RAB21: variants seen among roughly 807,000 people sequenced by gnomAD.
RAB21 encodes ras-related protein Rab-21.
RAB21 carries 13 observed loss-of-function variants against 33.1 expected under a neutral mutation model. The observed-to-expected ratio is 0.39, with a 90% CI of 0.26 to 0.62. The LOEUF (loss-of-function observed/expected upper bound fraction) is 0.62. RAB21 is among the 20% of genes least tolerant of loss of function. The pLI is 0.48. For missense variants in RAB21, 234 were observed against 279.1 expected (o/e 0.84, Z 1.15); for synonymous variants, 91 against 103.7 (o/e 0.88, Z 0.74).
In RAB21 at chr12:71,787,697, A is replaced by G. The variant is rs1173552582; in HGVS notation, c.*2024A>G. ...CTTCTTTAATTATTGTCCTTGCTAAACTCAACACAGACTTTTCTGTTATGT... is the reference window on the plus strand; with the variant it reads ...CTTCTTTAATTATTGTCCTTGCTAAGCTCAACACAGACTTTTCTGTTATGT... On this transcript the variant is annotated 3_prime_UTR_variant, in exon 7 of 7. Transcript: ENST00000261263. 6.6e-6 allele frequency: 1 copy of G among 152,150 alleles called. No homozygotes were observed. The highest frequency in any genetic ancestry group is 1.9e-4 in the East Asian group (1 of 5,198). The allele number at this position is 152,150 out of a possible 1,614,324, so 9.4% of individuals were successfully genotyped here.
At chr12:71,762,366 C>T (rs1012279306) in intron 1 of RAB21, among the ~76,000 whole-genome samples, 1 of 152,052 alleles carries the variant, frequency 6.6e-6, no homozygotes, top group African/African-American at 2.4e-5. Flanking sequence ...AGTGCAGTGG[C>T]GCGATCTCGG....
intron 1 of RAB21, among the ~76,000 whole-genome samples, chr12:71,764,285 A>G (rs1279477135): frequency 2.0e-5 from 3 of 152,044 alleles, no homozygotes; most frequent in African/African-American, 7.3e-5. Context: ...GAAGTTTATA[A>G]TTACTTCTCC....
rs1009012604 is a variant in RAB21, at chr12:71,785,894, T to G, written c.*221T>G. On this transcript the variant is annotated 3_prime_UTR_variant, in exon 7 of 7. Transcript: ENST00000261263. The stretch of plus-strand genomic sequence containing the variant: ...TTCTACAAATGTTTTTTTTTGTTTT[T>G]TTTTTGTTTTTTTTTGTTTTTTTTT... The G allele has an allele frequency of 7.1e-6, 3 of 423,298 alleles. No homozygotes were observed. The highest frequency in any genetic ancestry group is 4.7e-5 in the African/African-American group (2 of 42,584). 26.2% of individuals were successfully genotyped at this position (423,298 alleles called of 1,614,324 possible). A position where few individuals can be genotyped will look rare whatever the true frequency, so the allele number is the denominator to read the frequency against.
In RAB21 at chr12:71,785,834, A is replaced by T. The variant is rs11178944; in HGVS notation, c.*161A>T. 1,270 of 688,992 alleles carry T rather than the reference A, an allele frequency of 1.8e-3. 22 individuals carry two copies. In the East Asian group the frequency reaches 0.036, roughly 19 times the overall value. The allele number at this position is 688,992 out of a possible 1,614,324, so 42.7% of individuals were successfully genotyped here. A position where few individuals can be genotyped will look rare whatever the true frequency, so the allele number is the denominator to read the frequency against. ...AACACTGCAGAGACCTTAAGTGCTA[A>T]ACTTAGTGGAGTTTGTGACCAGAGA... On this transcript the variant is annotated 3_prime_UTR_variant, in exon 7 of 7. Coordinates refer to ENST00000261263, the MANE Select transcript of RAB21 (RefSeq NM_014999.4).
chr12:71,777,197 A>C lies in RAB21; in HGVS notation c.391+3175A>C, dbSNP rs190621432. ...AGTTGTGTTGCTTTTTCATCCCAAC[A>C]CTCACAGTTGTTTTCCCCTCACCAT... On this transcript the variant is annotated intron_variant, in intron 4 of 6. Coordinates refer to ENST00000261263, the MANE Select transcript of RAB21 (RefSeq NM_014999.4). Among the ~76,000 whole-genome samples, 9 of 152,184 alleles carry C rather than the reference A, an allele frequency of 5.9e-5. No individual in the cohort carries two copies. The East Asian group carries it at 1.2e-3, about 20-fold the overall frequency.
chr12:71,764,104 A>G (rs1235614453), intron 1 of RAB21, among the ~76,000 whole-genome samples: 1 of 152,126 alleles, frequency 6.6e-6, no homozygotes. Context: ...TGAATTGGCT[A>G]TTGTTTAATG....
chr12:71,763,993 A>C (rs1048078010), intron 1 of RAB21, among the ~76,000 whole-genome samples: 1 of 152,186 alleles, frequency 6.6e-6, no homozygotes, highest in Non-Finnish European at 1.5e-5. Context: ...AAGGATAAAT[A>C]TCTACTTCAC....
At position 71,791,599 on chromosome 12, in the gene RAB21, A is replaced by G. The variant is rs1042441722; in HGVS notation, c.*5926A>G. The G allele has an allele frequency of 6.6e-6, 1 of 152,236 alleles. No homozygotes were observed. Among genetic ancestry groups the G allele is most frequent in the Non-Finnish European group, 1.5e-5 (1 of 68,052 alleles). The allele number at this position is 152,236 out of a possible 1,614,324, so 9.4% of individuals were successfully genotyped here. On this transcript the variant is annotated 3_prime_UTR_variant, in exon 7 of 7. Coordinates refer to ENST00000261263, the MANE Select transcript of RAB21 (RefSeq NM_014999.4). ...AACTCCCATAACAGGACATGATGCT[A>G]CCAAAAATTCAAACTTGTATTTGAT... is the stretch of plus-strand genomic sequence containing the variant.
chr12:71,772,515 G>T (rs543239603), intron 3 of RAB21, among the ~76,000 whole-genome samples: 2 of 152,240 alleles, frequency 1.3e-5, no homozygotes, highest in South Asian at 2.1e-4. Context: ...ATGTATGGGG[G>T]TAAAGAATAG....
At chr12:71,755,418 T>G in intron 1 of RAB21, 130 bp downstream of exon 1, 1 of 1,142,640 alleles carries the variant, frequency 8.8e-7, no homozygotes, top group Non-Finnish European at 1.2e-6. Context: ...GCCTTCGGTT[T>G]ACCTTTCCGA....
At chr12:71,783,475 C>T (rs867500926) in intron 6 of RAB21, among the ~76,000 whole-genome samples, 1 of 151,184 alleles carries the variant, frequency 6.6e-6, no homozygotes, top group African/African-American at 2.4e-5. Flanking sequence ...CACACACACA[C>T]ATTTTGGAAT....
At chr12:71,777,984 C>T (rs1056300625) in intron 4 of RAB21, among the ~76,000 whole-genome samples, 1 of 152,146 alleles carries the variant, frequency 6.6e-6, no homozygotes, top group African/African-American at 2.4e-5. Context: ...AATCTCAAGT[C>T]CTTTTTTATA....
chr12:71,765,986 G>T (rs539755372), intron 1 of RAB21, among the ~76,000 whole-genome samples: 1 of 151,882 alleles, frequency 6.6e-6, no homozygotes, highest in Non-Finnish European at 1.5e-5. Flanking sequence ...GATGATTTAC[G>T]AAACAGAATC....
intron 1 of RAB21, among the ~76,000 whole-genome samples, chr12:71,762,306 T>C (rs1882884272): frequency 6.6e-6 from 1 of 152,186 alleles, no homozygotes; most frequent in Non-Finnish European, 1.5e-5. Context: ...TGTTTTGTTT[T>C]GTTTTGTTTT....
Position 71,793,293 on chromosome 12 carries a change from G to A in RAB21, c.*7620G>A, listed in dbSNP as rs2137666544. The A allele has an allele frequency of 6.6e-6, 1 of 152,276 alleles. No individual in the cohort carries two copies. The highest frequency in any genetic ancestry group is 1.9e-4 in the East Asian group (1 of 5,184). The allele number at this position is 152,276 out of a possible 1,614,324, so 9.4% of individuals were successfully genotyped here. ...GAACACAATCCATTCCTGAGTCATA[G>A]TAGGATAGTTTGTGTAATTCTAAAT... On this transcript the variant is annotated 3_prime_UTR_variant, in exon 7 of 7. Transcript: ENST00000261263.
At chr12:71,756,410 A>C (rs944973719) in intron 1 of RAB21, among the ~76,000 whole-genome samples, 3 of 152,216 alleles carry the variant, frequency 2.0e-5, no homozygotes, top group African/African-American at 7.2e-5. Context: ...CTTAATTAGT[A>C]AATGTGTAGT....
At chr12:71,761,956 T>C (rs1882878413) in intron 1 of RAB21, among the ~76,000 whole-genome samples, 2 of 152,220 alleles carry the variant, frequency 1.3e-5, no homozygotes, top group African/African-American at 2.4e-5. Context: ...TAAGTATCCT[T>C]GAAAACCATA....
chr12:71,762,974 T>C (rs1417421818), intron 1 of RAB21, among the ~76,000 whole-genome samples: 1 of 152,150 alleles, frequency 6.6e-6, no homozygotes, highest in Non-Finnish European at 1.5e-5. Context: ...CTCTTAAGTA[T>C]GGAAGTGGTA....
chr12:71,772,804 G>A (rs894278011), intron 3 of RAB21, among the ~76,000 whole-genome samples: 2 of 152,124 alleles, frequency 1.3e-5, no homozygotes, highest in Non-Finnish European at 2.9e-5. Context: ...ACAAAAAGGT[G>A]GGGCTATACT....
Sources: allele counts gnomAD v4.1 joint callset (sites outside exome capture counted in the v4.1 genomes callset), GRCh38; gene constraint gnomAD v4.1.1; transcripts MANE v1.5; gene names NCBI Gene and HGNC (gene_info 2026-07-23, HGNC 2026-07-21).